The following TLE4 variants were observed in gnomAD, a reference collection of about 807,000 sequenced individuals.
TLE4 encodes the protein TLE family member 4, transcriptional corepressor, also known as transducin-like enhancer protein 4.
Under a neutral mutation model 92.8 loss-of-function variants are expected in TLE4, and 8 were observed. The ratio of observed to expected loss-of-function variants is 0.09; its 90% CI spans 0.05 to 0.16. TLE4 has a LOEUF of 0.16. Among genes scored for constraint, TLE4 ranks in the 10% least tolerant of loss-of-function variants. TLE4 has a pLI of 1.00. For synonymous variants in TLE4, 371 were observed against 374.1 expected (o/e 0.99, Z 0.10); for missense variants, 675 against 997.6 (o/e 0.68, Z 4.36).
At chr9:79,596,660 T>C (rs1467482271) in intron 4 of TLE4, among the ~76,000 whole-genome samples, 1 of 152,196 alleles carries the variant, frequency 6.6e-6, no homozygotes, top group Non-Finnish European at 1.5e-5. Context: ...CTTGAATCGA[T>C]ACCTAACAAT....
chr9:79,649,245 C>T (rs1012581217), intron 6 of TLE4, among the ~76,000 whole-genome samples: 3 of 143,794 alleles, frequency 2.1e-5, no homozygotes, highest in Admixed American at 7.3e-5. Context: ...TTTGGGTGTG[C>T]GAAGACAGGG....
At chr9:79,659,692 C>T (rs1005824954) in intron 8 of TLE4, among the ~76,000 whole-genome samples, 1 of 152,126 alleles carries the variant, frequency 6.6e-6, no homozygotes, top group Non-Finnish European at 1.5e-5. Flanking sequence ...CAGATTAAGA[C>T]TCTTCCCCTC....
At chr9:79,720,339 T>C in intron 16 of TLE4, 46 bp downstream of exon 16, 3 of 1,573,060 alleles carry the variant, frequency 1.9e-6, no homozygotes, top group Non-Finnish European at 2.6e-6. Flanking sequence ...GGAGCCGATT[T>C]TACCATATTT....
intron 4 of TLE4, among the ~76,000 whole-genome samples, chr9:79,584,476 A>G (rs2040553943): frequency 6.6e-6 from 1 of 152,186 alleles, no homozygotes. Context: ...ACTGTGTTAG[A>G]TACTTACCTG....
intron 7 of TLE4, chr9:79,653,023 T>C (rs1048952870): frequency 1.7e-6 from 1 of 589,402 alleles, no homozygotes. Flanking sequence ...TTTCTGGTTA[T>C]TGCCTTTGAT....
In TLE4 at chr9:79,725,156, C is replaced by A; in HGVS notation, c.*12C>A. The A allele has an allele frequency of 6.3e-7, 1 of 1,588,114 alleles. No homozygotes were observed. The highest frequency in any genetic ancestry group is 8.6e-7 in the Non-Finnish European group (1 of 1,156,556). ...AAGTTATTTATTAAAGACAAATCTT[C>A]ATGCAGACTGGACTTCTCCTCCTGG... is the stretch of plus-strand genomic sequence containing the variant. On this transcript the variant is annotated 3_prime_UTR_variant, in exon 20 of 20. Coordinates refer to ENST00000376552, the MANE Select transcript of TLE4 (RefSeq NM_007005.6).
At chr9:79,596,099 G>C (rs1283381877) in intron 4 of TLE4, among the ~76,000 whole-genome samples, 1 of 152,170 alleles carries the variant, frequency 6.6e-6, no homozygotes, top group East Asian at 1.9e-4. Flanking sequence ...GCCCGCCCTG[G>C]CCTCCCAAAG....
chr9:79,666,374 C>T (rs1430580694), intron 8 of TLE4, among the ~76,000 whole-genome samples: 2 of 151,738 alleles, frequency 1.3e-5, no homozygotes, highest in South Asian at 2.1e-4. Flanking sequence ...ATTATAGGCA[C>T]GTGCCACCAC....
intron 8 of TLE4, among the ~76,000 whole-genome samples, chr9:79,674,292 C>G (rs2062884843): frequency 1.3e-5 from 2 of 151,580 alleles, no homozygotes; most frequent in African/African-American, 4.9e-5. Context: ...GTGGAGTTTG[C>G]TATTATCTCC....
Position 79,725,070 on chromosome 9 carries a change from A to G in TLE4, c.2248A>G (p.Ile750Val), listed in dbSNP as rs749098884. Residue 750 changes from isoleucine to valine, a missense_variant, in exon 20 of 20, where the codon ATC (isoleucine) becomes GTC (valine). By Grantham distance (29) the Ile-to-Val change is conservative. Around this residue, in one of 5 missense-constraint regions of TLE4, gnomAD observed 170 missense variants for 359.6 expected, o/e 0.47. Transcript: ENST00000376552. Reference protein sequence around the residue: ...KESSSVLSCDISVDDKYIVTG... With the variant: ...KESSSVLSCDVSVDDKYIVTG... ...ATCCTCATCGGTGCTTAGCTGTGAC[A>G]TCTCCGTGGACGACAAATACATTGT... The G allele has an allele frequency of 6.2e-7, 1 of 1,613,610 alleles. No homozygotes were observed. Among genetic ancestry groups the G allele is most frequent in the East Asian group, 2.2e-5 (1 of 44,864 alleles).
intron 19 of TLE4, among the ~76,000 whole-genome samples, chr9:79,723,749 G>T (rs1392801195): frequency 1.3e-5 from 2 of 152,110 alleles, no homozygotes; most frequent in African/African-American, 2.4e-5. Flanking sequence ...TCATAAAGTA[G>T]ATTAATTCCA....
At chr9:79,573,599 C>A in intron 1 of TLE4, 90 bp from the exon 2 acceptor site, 1 of 1,100,354 alleles carries the variant, frequency 9.1e-7, no homozygotes, top group Non-Finnish European at 1.3e-6. Flanking sequence ...ATGACCCTCA[C>A]CCCCCGCTAA....
Position 79,612,645 on chromosome 9 carries a change from A to AT in TLE4, c.253-5dup. The stretch of plus-strand genomic sequence containing the variant: ...TCTCTTTATTGCTTTCCTTTCCCTT[A>AT]TTTTTTGCAGGCAGAGATTGTCAAG... On this transcript the variant is annotated splice_polypyrimidine_tract_variant and intron_variant, in intron 4 of 19. Transcript: ENST00000376552. The AT allele has an allele frequency of 6.2e-7, 1 of 1,612,170 alleles. No homozygotes were observed.
At chr9:79,573,343 C>G (rs773909581) in intron 1 of TLE4, 2 of 1,093,508 alleles carry the variant, frequency 1.8e-6, no homozygotes, top group African/African-American at 1.7e-5. Flanking sequence ...TGGCGCGGGT[C>G]CCCCCGACGG....
chr9:79,709,794 A>T, intron 14 of TLE4, 95 bp downstream of exon 14: 1 of 955,142 alleles, frequency 1.0e-6, no homozygotes. Flanking sequence ...GTGTTGGGGG[A>T]GTTCCCATGA....
At position 79,709,653 on chromosome 9, in the gene TLE4, G is replaced by C; in HGVS notation, c.1294G>C (p.Val432Leu). 1 of 1,614,120 alleles carries C rather than the reference G, an allele frequency of 6.2e-7. No homozygotes were observed. The highest frequency in any genetic ancestry group is 1.1e-5 in the South Asian group (1 of 91,074). The change falls in exon 14 of 20, where the codon GTG (valine) becomes CTG (leucine). Residue 432 changes from valine to leucine, a missense_variant. Coordinates refer to ENST00000376552, the MANE Select transcript of TLE4 (RefSeq NM_007005.6). ...VGFDPHHHMR[V>L]PAIPPNLTGI... ...ATTTGATCCACACCATCACATGCGT[G>C]TGCCAGCAATACCTCCAAACCTGAC...
intron 11 of TLE4, 125 bp downstream of exon 11, chr9:79,707,024 C>A: frequency 6.4e-7 from 1 of 1,559,524 alleles, no homozygotes; most frequent in African/African-American, 1.4e-5. Context: ...TATATATGTT[C>A]GGTATTTAAG....
intron 4 of TLE4, among the ~76,000 whole-genome samples, chr9:79,581,132 A>C (rs1366561483): frequency 6.6e-6 from 1 of 152,166 alleles, no homozygotes; most frequent in Non-Finnish European, 1.5e-5. Flanking sequence ...TTTACCTCTC[A>C]TTTGGGCATT....
At chr9:79,640,476 A>C (rs1214627491) in intron 6 of TLE4, among the ~76,000 whole-genome samples, 1 of 152,018 alleles carries the variant, frequency 6.6e-6, no homozygotes, top group East Asian at 1.9e-4. Context: ...TCTAATCTGA[A>C]AAAAGCTATA....
Sources: allele counts gnomAD v4.1 joint callset (sites outside exome capture counted in the v4.1 genomes callset), GRCh38; gene constraint gnomAD v4.1.1; regional missense constraint gnomAD v4.1.1; transcripts MANE v1.5; gene names NCBI Gene and HGNC (gene_info 2026-07-23, HGNC 2026-07-21).